CDH13: variants seen among roughly 807,000 people sequenced by gnomAD.
CDH13 encodes the protein cadherin 13.
In CDH13, 24 loss-of-function variants were observed where a neutral mutation model predicts 63.8. The observed-to-expected ratio is 0.38, with a 90% CI of 0.27 to 0.53. The LOEUF is 0.53. Among genes scored for constraint, CDH13 ranks in the 20% least tolerant of loss-of-function variants. CDH13 has a pLI of 0.85. For missense variants in CDH13, 1,049 were observed against 903.1 expected, an observed-to-expected ratio of 1.16 and a Z score of -2.07; for synonymous variants, 503 against 355.3, an observed-to-expected ratio of 1.42 and a Z score of -4.67.
intron 4 of CDH13, among the ~76,000 whole-genome samples, chr16:83,200,814 T>A (rs2039004830): frequency 6.6e-6 from 1 of 152,162 alleles, no homozygotes. Context: ...CAACAACATA[T>A]TTTAGGTAGC....
At chr16:83,707,857 A>AAAAAAAAAAAAAAAAC (rs1907362666) in intron 10 of CDH13, among the ~76,000 whole-genome samples, 1 of 139,894 alleles carries the variant, frequency 7.1e-6, no homozygotes, top group Non-Finnish European at 1.5e-5. Context: ...AAAAAAAAAA[A>AAAAAAAAAAAAAAAAC]AGAGCTGGGA....
chr16:83,395,960 C>T (rs1310951579), intron 6 of CDH13, among the ~76,000 whole-genome samples: 2 of 152,078 alleles, frequency 1.3e-5, no homozygotes, highest in Non-Finnish European at 2.9e-5. Flanking sequence ...CTCCCATCCT[C>T]CACCCTCCTG....
chr16:83,056,394 T>A (rs940739330), intron 3 of CDH13, among the ~76,000 whole-genome samples: 4 of 151,378 alleles, frequency 2.6e-5, no homozygotes, highest in Non-Finnish European at 4.4e-5. Flanking sequence ...TGGAAACAAC[T>A]CAAAAGTCCA....
intron 1 of CDH13, among the ~76,000 whole-genome samples, chr16:82,849,505 A>C (rs1179948667): frequency 6.6e-6 from 1 of 152,210 alleles, no homozygotes; most frequent in African/African-American, 2.4e-5. Flanking sequence ...CGTCTCAAAA[A>C]AATAAATAAA....
Position 83,218,268 on chromosome 16 carries a change from G to A in CDH13, c.636+771G>A, listed in dbSNP as rs143131634. On this transcript the variant is annotated intron_variant, in intron 5 of 13. Transcript: ENST00000567109. ...ACAGACATAGAGCAGTAGCATGATG[G>A]TAGGTAGTAAAGTCCCCACCCTCCA... is the stretch of plus-strand genomic sequence containing the variant. Among the ~76,000 whole-genome samples, 26 of 152,268 alleles carry A rather than the reference G, an allele frequency of 1.7e-4. No individual in the cohort carries two copies. The East Asian group carries it at 4.1e-3, about 24-fold the overall frequency.
chr16:83,013,166 A>T (rs1914333894), intron 2 of CDH13, among the ~76,000 whole-genome samples: 1 of 152,258 alleles, frequency 6.6e-6, no homozygotes, highest in South Asian at 2.1e-4. Flanking sequence ...TATGAGCGAG[A>T]TATTCTGTTG....
intron 1 of CDH13, among the ~76,000 whole-genome samples, chr16:82,718,553 T>C (rs1449625532): frequency 6.6e-6 from 1 of 152,120 alleles, no homozygotes; most frequent in East Asian, 1.9e-4. Flanking sequence ...AGTGTTGTAT[T>C]AGTCCATTTT....
In CDH13 at chr16:83,539,257, A is replaced by C. The variant is rs189865050; in HGVS notation, c.960+52602A>C. Among the ~76,000 whole-genome samples, 5 of 152,150 alleles carry C rather than the reference A, an allele frequency of 3.3e-5. No homozygotes were observed. The East Asian group carries it at 9.6e-4, about 29-fold the overall frequency. On this transcript the variant is annotated intron_variant, in intron 7 of 13. Transcript: ENST00000567109. ...AGGCATTAGTTAGATTCTCATAAGG[A>C]ACATGCAACCTAGATCCCTCACACG...
At chr16:83,522,080 C>T (rs899713522) in intron 7 of CDH13, among the ~76,000 whole-genome samples, 1 of 152,174 alleles carries the variant, frequency 6.6e-6, no homozygotes, top group African/African-American at 2.4e-5. Flanking sequence ...GTCTGCAAAT[C>T]CAGTTCTCCC....
At chr16:82,844,640 T>TA (rs1491293470) in intron 1 of CDH13, 5 of 7,288 alleles carry the variant, frequency 6.9e-4, no homozygotes, top group Admixed American at 3.2e-3. Context: ...TAATAAAGTA[T>TA]TTTTTTTTTT....
chr16:83,343,286 G>A (rs2090767219), intron 5 of CDH13, among the ~76,000 whole-genome samples: 1 of 152,060 alleles, frequency 6.6e-6, no homozygotes, highest in Non-Finnish European at 1.5e-5. Context: ...GTTATTTTGT[G>A]TATTTTTACT....
At chr16:83,551,238 C>G (rs1159434690) in intron 7 of CDH13, among the ~76,000 whole-genome samples, 1 of 152,122 alleles carries the variant, frequency 6.6e-6, no homozygotes, top group African/African-American at 2.4e-5. Flanking sequence ...TACACCACCA[C>G]ACCTGGCTAA....
intron 6 of CDH13, among the ~76,000 whole-genome samples, chr16:83,434,856 CGT>C (rs951360129): frequency 2.5e-4 from 20 of 79,946 alleles, no homozygotes; most frequent in African/African-American, 7.7e-4. Context: ...TATGTGTGTG[CGT>C]GTGTGTGTGT....
chr16:83,366,367 C>T (rs1427805568), intron 6 of CDH13, among the ~76,000 whole-genome samples: 1 of 152,180 alleles, frequency 6.6e-6, no homozygotes, highest in African/African-American at 2.4e-5. Flanking sequence ...TGCGATGCCA[C>T]TCATTACCAC....
chr16:82,820,488 A>G (rs886073002), intron 1 of CDH13, among the ~76,000 whole-genome samples: 1 of 152,200 alleles, frequency 6.6e-6, no homozygotes, highest in Non-Finnish European at 1.5e-5. Context: ...CAGTTTTATA[A>G]TTGGTTAGTG....
intron 6 of CDH13, among the ~76,000 whole-genome samples, chr16:83,395,379 G>A (rs8052043): frequency 0.2 from 30,091 of 151,826 alleles, 3,346 homozygotes; most frequent in Non-Finnish European, 0.25. Context: ...TTAGACATCC[G>A]AGTTCTTCTG....
chr16:83,440,942 G>A (rs1027784496), intron 6 of CDH13, among the ~76,000 whole-genome samples: 1 of 152,142 alleles, frequency 6.6e-6, no homozygotes, highest in Non-Finnish European at 1.5e-5. Context: ...ATTCTGGAGA[G>A]CTTCCCCTCC....
chr16:82,956,257 C>A (rs545850949), intron 2 of CDH13, among the ~76,000 whole-genome samples: 26 of 152,140 alleles, frequency 1.7e-4, no homozygotes, highest in Non-Finnish European at 2.9e-4. Context: ...CCTTCTACTT[C>A]TCTCTGACAG....
chr16:83,661,863 G>T (rs1463950467), intron 8 of CDH13, among the ~76,000 whole-genome samples: 1 of 152,198 alleles, frequency 6.6e-6, no homozygotes, highest in East Asian at 1.9e-4. Context: ...AGCAATTCCT[G>T]CCAGGGCATG....
Sources: allele counts gnomAD v4.1 joint callset (sites outside exome capture counted in the v4.1 genomes callset), GRCh38; gene constraint gnomAD v4.1.1; transcripts MANE v1.5; gene names NCBI Gene and HGNC (gene_info 2026-07-23, HGNC 2026-07-21).